Variants in CATSPERD observed in about 807,000 individuals in gnomAD.
The protein encoded by CATSPERD is cation channel sperm-associated auxiliary subunit delta.
CATSPERD carries 86 observed loss-of-function variants against 98.1 expected under a neutral mutation model. The observed-to-expected ratio is 0.88, with a 90% CI of 0.74 to 1.05. CATSPERD has a LOEUF of 1.05. CATSPERD is among the 50% of genes least tolerant of loss of function. The pLI, the probability that CATSPERD is intolerant of heterozygous loss-of-function variation, is 0.00. For missense variants in CATSPERD, 995 were observed against 1,005.7 expected, an observed-to-expected ratio of 0.99 and a Z score of 0.14; for synonymous variants, 394 against 390.2, an observed-to-expected ratio of 1.01 and a Z score of -0.12.
intron 2 of CATSPERD, 32 bp from the exon 3 acceptor site, chr19:5,727,236 A>C: frequency 6.7e-7 from 1 of 1,502,794 alleles, no homozygotes; most frequent in Non-Finnish European, 9.2e-7. Flanking sequence ...ATGGTTATTG[A>C]TATTATTAAG....
intron 1 of CATSPERD, among the ~76,000 whole-genome samples, chr19:5,721,760 A>T (rs1314164036): frequency 6.6e-6 from 1 of 151,748 alleles, no homozygotes; most frequent in Non-Finnish European, 1.5e-5. Flanking sequence ...AGAGGTGGGC[A>T]GATCACTCAC....
chr19:5,738,590 C>T (rs562154199), intron 6 of CATSPERD, among the ~76,000 whole-genome samples: 239 of 152,148 alleles, frequency 1.6e-3, no homozygotes, highest in African/African-American at 5.7e-3. Context: ...TGCCTGGAAG[C>T]CTCACTAATA....
In CATSPERD at chr19:5,772,885, T is replaced by C. The variant is rs375735161; in HGVS notation, c.1861T>C (p.Ser621Pro). ...ATACTCCTATTCCCTGACGGCCCAGTCGGCCATGTGTACCTCCCAGCCGCA... is the reference window on the plus strand; with the variant it reads ...ATACTCCTATTCCCTGACGGCCCAGCCGGCCATGTGTACCTCCCAGCCGCA... Reference protein sequence around the residue: ...FSYSYSLTAQSAMCTSQPQNW... With the variant: ...FSYSYSLTAQPAMCTSQPQNW... The change falls in exon 20 of 22, where the codon TCG becomes CCG. Residue 621 changes from serine to proline, a missense_variant. Transcript: ENST00000381624. 3 of 1,614,098 alleles carry C rather than the reference T, an allele frequency of 1.9e-6. No individual in the cohort carries two copies. The highest frequency in any genetic ancestry group is 2.2e-5 in the East Asian group (1 of 44,876).
chr19:5,751,642 C>A lies in CATSPERD; in HGVS notation c.988-5C>A. 7.0e-7 allele frequency: 1 copy of A among 1,438,380 alleles called. No homozygotes were observed. The highest frequency in any genetic ancestry group is 9.3e-7 in the Non-Finnish European group (1 of 1,078,590). The allele number at this position is 1,438,380 out of a possible 1,614,324, so 89.1% of individuals were successfully genotyped here. ...ATTAGATCTCAGGAATCATTTTCTT[C>A]TTAGTTTGCAGACCAATACATCTGG... On this transcript the variant is annotated splice_polypyrimidine_tract_variant and splice_region_variant and intron_variant, in intron 11 of 21. Coordinates refer to ENST00000381624, the MANE Select transcript of CATSPERD (RefSeq NM_152784.4).
Position 5,748,145 on chromosome 19 carries a change from C to G in CATSPERD, c.809-15C>G. ...TGTACACGGGGCCTCATGCACCTGT[C>G]CTGTTACCTCCTAGGTCAGCTCGTC... On this transcript the variant is annotated splice_polypyrimidine_tract_variant and intron_variant, in intron 9 of 21. Coordinates refer to ENST00000381624, the MANE Select transcript of CATSPERD (RefSeq NM_152784.4). 2 of 1,609,250 alleles carry G rather than the reference C, an allele frequency of 1.2e-6. No homozygotes were observed. Among genetic ancestry groups the G allele is most frequent in the South Asian group, 2.2e-5 (2 of 90,984 alleles).
At chr19:5,763,648 A>G (rs2145833720) in intron 16 of CATSPERD, among the ~76,000 whole-genome samples, 1 of 151,930 alleles carries the variant, frequency 6.6e-6, no homozygotes, top group East Asian at 1.9e-4. Context: ...GAGCTGAGGA[A>G]GGGGATGATT....
chr19:5,767,953 C>T (rs2056574180), intron 17 of CATSPERD, among the ~76,000 whole-genome samples: 1 of 152,032 alleles, frequency 6.6e-6, no homozygotes, highest in African/African-American at 2.4e-5. Context: ...CGTGATGCCA[C>T]GCCTGGCTAA....
At chr19:5,763,361 TGAG>T in intron 16 of CATSPERD, 68 bp downstream of exon 16, 1 of 1,349,646 alleles carries the variant, frequency 7.4e-7, no homozygotes, top group Admixed American at 1.7e-5. Flanking sequence ...AAGCTGGCCC[TGAG>T]GTTGCAATGA....
In CATSPERD at chr19:5,754,170, T is replaced by C; in HGVS notation, c.1203T>C (p.Tyr401=). The stretch of plus-strand genomic sequence containing the variant: ...CAGGAGAATTTATATACAGGATGTA[T>C]ACCATTGACATGCACAGCCAGCTGG... ...FLTGEFIYRM[Y]TIDMHSQLEL... The change falls in exon 13 of 22, where the codon TAT becomes TAC. Residue 401 remains tyrosine, a synonymous_variant. Coordinates refer to ENST00000381624, the MANE Select transcript of CATSPERD (RefSeq NM_152784.4). 1 of 1,613,816 alleles carries C rather than the reference T, an allele frequency of 6.2e-7. No individual in the cohort carries two copies. The highest frequency in any genetic ancestry group is 1.1e-5 in the South Asian group (1 of 91,076).
chr19:5,767,612 G>A (rs1406035228), intron 17 of CATSPERD, among the ~76,000 whole-genome samples: 4 of 139,142 alleles, frequency 2.9e-5, no homozygotes, highest in Admixed American at 7.3e-5. Context: ...CTCAGCCTCC[G>A]AGTAGCTGGG....
intron 13 of CATSPERD, 24 bp downstream of exon 13, chr19:5,754,269 C>A: frequency 6.5e-7 from 1 of 1,547,372 alleles, no homozygotes; most frequent in Non-Finnish European, 8.9e-7. Flanking sequence ...AATGTTTCTG[C>A]TATCTGGGAT....
chr19:5,738,972 C>A (rs1199455246), intron 6 of CATSPERD, among the ~76,000 whole-genome samples: 2 of 152,124 alleles, frequency 1.3e-5, no homozygotes, highest in Non-Finnish European at 2.9e-5. Flanking sequence ...AACTGATCCG[C>A]CCGCCTCAGC....
chr19:5,736,793 C>T (rs2055854985), intron 5 of CATSPERD, among the ~76,000 whole-genome samples: 1 of 151,926 alleles, frequency 6.6e-6, no homozygotes, highest in Admixed American at 6.6e-5. Context: ...TGTGGTGGCT[C>T]ACGCCTGTAA....
chr19:5,769,574 C>A (rs571396111), intron 18 of CATSPERD, among the ~76,000 whole-genome samples: 1 of 151,994 alleles, frequency 6.6e-6, no homozygotes, highest in African/African-American at 2.4e-5. Flanking sequence ...CCTTGCCACG[C>A]GAGTGCACAC....
intron 13 of CATSPERD, among the ~76,000 whole-genome samples, chr19:5,756,716 G>T (rs369003125): frequency 2.6e-5 from 4 of 150,966 alleles, no homozygotes; most frequent in Non-Finnish European, 5.9e-5. Context: ...AGGCCGAGGT[G>T]GGGGGATTGC....
Position 5,776,312 on chromosome 19 carries a change from A to T in CATSPERD, c.2093A>T (p.Tyr698Phe). ...VFYISIVDPY[Y>F]SYCQLETIFS... is the part of the protein sequence containing the mutation. ...TACATTTCGATCGTGGATCCGTACT[A>T]CAGGTGAGTGGGCCCATCTGCCCCT... Residue 698 changes from tyrosine to phenylalanine, a missense_variant, in exon 21 of 22, where the codon TAC (tyrosine) becomes TTC (phenylalanine). Physicochemically the swap from Tyr to Phe is conservative, Grantham distance 22. Transcript: ENST00000381624. 1 of 1,614,066 alleles carries T rather than the reference A, an allele frequency of 6.2e-7. No homozygotes were observed. The highest frequency in any genetic ancestry group is 1.1e-5 in the South Asian group (1 of 91,074).
rs774167923 is a variant in CATSPERD, at chr19:5,772,778, T to G, written c.1764-10T>G. 3 of 1,612,246 alleles carry G rather than the reference T, an allele frequency of 1.9e-6. No individual in the cohort carries two copies. Among genetic ancestry groups the G allele is most frequent in the Non-Finnish European group, 2.5e-6 (3 of 1,178,992 alleles). ...TCCCTGCACAGCCCTGCCCCGTGCCTGTGTCCTAGGTGGCGAAAAGACAGT... is the reference window on the plus strand; with the variant it reads ...TCCCTGCACAGCCCTGCCCCGTGCCGGTGTCCTAGGTGGCGAAAAGACAGT... On this transcript the variant is annotated splice_polypyrimidine_tract_variant and intron_variant, in intron 19 of 21. Coordinates refer to ENST00000381624, the MANE Select transcript of CATSPERD (RefSeq NM_152784.4).
chr19:5,744,641 G>A (rs2056061243), intron 8 of CATSPERD, 131 bp downstream of exon 8: 1 of 509,894 alleles, frequency 2.0e-6, no homozygotes, highest in Non-Finnish European at 3.2e-6. Context: ...CGCTCTGTCA[G>A]CCAGGCCGGA....
At chr19:5,723,895 G>C (rs2055552324) in intron 1 of CATSPERD, among the ~76,000 whole-genome samples, 1 of 151,900 alleles carries the variant, frequency 6.6e-6, no homozygotes, top group Non-Finnish European at 1.5e-5. Flanking sequence ...TCCTGCCTCA[G>C]CCTCCTGAGT....
Sources: allele counts gnomAD v4.1 joint callset (sites outside exome capture counted in the v4.1 genomes callset), GRCh38; gene constraint gnomAD v4.1.1; transcripts MANE v1.5; gene names NCBI Gene and HGNC (gene_info 2026-07-23, HGNC 2026-07-21).